The following COX20 variants were observed in gnomAD, a reference collection of about 807,000 sequenced individuals.
COX20 encodes cytochrome c oxidase assembly factor COX20.
COX20 carries 14 observed loss-of-function variants against 14.3 expected under a neutral mutation model. That is an observed-to-expected ratio of 0.98 (90% confidence interval 0.65 to 1.53). COX20 has a LOEUF of 1.53. COX20 is among the 40% of genes most tolerant of loss of function. The pLI is 0.00. For synonymous variants in COX20, 56 were observed against 51.7 expected (o/e 1.08, Z -0.36); for missense variants, 149 against 142.1 (o/e 1.05, Z -0.25).
intron 3 of COX20, chr1:244,842,683 C>CTATTTAA (rs2102976192): frequency 4.4e-6 from 1 of 229,572 alleles, no homozygotes; most frequent in East Asian, 1.1e-4. Flanking sequence ...CTACAGTGAG[C>CTATTTAA]TATTTAAGGT....
Position 244,835,771 on chromosome 1 carries a change from G to A in COX20, c.42+15G>A, listed in dbSNP as rs769756399. 49 of 1,252,536 alleles carry A rather than the reference G, an allele frequency of 3.9e-5. No homozygotes were observed. The highest frequency in any genetic ancestry group is 4.5e-5 in the Non-Finnish European group (45 of 997,162). The allele number at this position is 1,252,536 out of a possible 1,614,324, so 77.6% of individuals were successfully genotyped here. A position where few individuals can be genotyped will look rare whatever the true frequency, so the allele number is the denominator to read the frequency against. ...AGGAGAGGAAGGTAACCTGGGGGTC[G>A]GCGGGGCGCGCGCCGCGGGTGGGCG... On this transcript the variant is annotated intron_variant, in intron 1 of 3. Transcript: ENST00000411948.
chr1:244,836,541 C>T lies in COX20; in HGVS notation c.42+785C>T, dbSNP rs1344314151. The T allele has an allele frequency of 5.8e-6, 9 of 1,545,966 alleles. No individual in the cohort carries two copies. In the East Asian group the frequency reaches 7.3e-5, roughly 13 times the overall value. On this transcript the variant is annotated intron_variant, in intron 1 of 3. Transcript: ENST00000411948. ...GGAAGGTAATAAATGATCTTGTTTT[C>T]CTCTTTTCCTGGGCTCCTTATTAAG...
chr1:244,837,282 A>G (rs1424020677), intron 1 of COX20, among the ~76,000 whole-genome samples: 6 of 152,238 alleles, frequency 3.9e-5, no homozygotes, highest in Non-Finnish European at 4.4e-5. Flanking sequence ...AGTACCTATC[A>G]GAGCCCATCA....
intron 1 of COX20, among the ~76,000 whole-genome samples, chr1:244,836,326 T>G (rs1679982993): frequency 6.6e-6 from 1 of 152,146 alleles, no homozygotes; most frequent in Admixed American, 6.5e-5. Context: ...ACTGGACAGT[T>G]TTCATTCCTC....
intron 1 of COX20, 31 bp from the exon 2 acceptor site, chr1:244,841,913 A>T: frequency 7.5e-7 from 1 of 1,331,056 alleles, no homozygotes; most frequent in Non-Finnish European, 1.1e-6. Context: ...ATACTTTCTT[A>T]CTCAATCTAG....
At chr1:244,840,382 C>T (rs1280564175) in intron 1 of COX20, 2 of 152,268 alleles carry the variant, frequency 1.3e-5, no homozygotes, top group Admixed American at 6.5e-5. Context: ...GCATCCCATC[C>T]TTGGGGAAAT....
chr1:244,835,500 G>A (rs928227239), upstream of COX20: 4 of 388,254 alleles, frequency 1.0e-5, no homozygotes, highest in Non-Finnish European at 1.8e-5. Flanking sequence ...TTGGAAGAAA[G>A]TGTGACCCGT....
Position 244,844,655 on chromosome 1 carries a change from G to A in COX20, c.*1479G>A, listed in dbSNP as rs942530528. The A allele has an allele frequency of 1.3e-5, 2 of 152,270 alleles. No homozygotes were observed. The allele number at this position is 152,270 out of a possible 1,614,324, so 9.4% of individuals were successfully genotyped here. A position where few individuals can be genotyped will look rare whatever the true frequency, so the allele number is the denominator to read the frequency against. On this transcript the variant is annotated 3_prime_UTR_variant, in exon 4 of 4. Transcript: ENST00000411948. Reference sequence around the variant, plus strand: ...TGCCTGTAGTCCCAGGTACTCAGGAGGCTGAGGCAGGAGAATCACTTGAAC... The same window carrying A: ...TGCCTGTAGTCCCAGGTACTCAGGAAGCTGAGGCAGGAGAATCACTTGAAC...
chr1:244,838,542 G>A (rs1205074774), intron 1 of COX20, among the ~76,000 whole-genome samples: 1 of 152,208 alleles, frequency 6.6e-6, no homozygotes, highest in Non-Finnish European at 1.5e-5. Context: ...CCAAGTAAAA[G>A]TAAAAAAGTT....
At chr1:244,836,691 T>C (rs749733898) in intron 1 of COX20, among the ~76,000 whole-genome samples, 2 of 152,172 alleles carry the variant, frequency 1.3e-5, no homozygotes, top group African/African-American at 2.4e-5. Context: ...CAAATATTTA[T>C]AGAAGACCCA....
chr1:244,835,801 G>A (rs893437137), intron 1 of COX20, 45 bp downstream of exon 1: 8 of 1,232,626 alleles, frequency 6.5e-6, no homozygotes, highest in South Asian at 7.0e-5. Flanking sequence ...TGGGCGGTGG[G>A]TAAGGACGTT....
upstream of COX20, chr1:244,835,549 G>C: frequency 2.3e-6 from 1 of 427,566 alleles, no homozygotes; most frequent in Non-Finnish European, 3.9e-6. Flanking sequence ...GCCCCGTGCG[G>C]CCACTGCGGA....
At chr1:244,838,261 A>G (rs1283996746) in intron 1 of COX20, among the ~76,000 whole-genome samples, 2 of 152,208 alleles carry the variant, frequency 1.3e-5, no homozygotes, top group East Asian at 3.8e-4. Context: ...AGGTGAAAAT[A>G]TATTTTGCAA....
At chr1:244,842,280 G>A (rs769989817) in intron 3 of COX20, 22 bp downstream of exon 3, 7 of 1,517,034 alleles carry the variant, frequency 4.6e-6, no homozygotes, top group Non-Finnish European at 5.5e-6. Flanking sequence ...AAGTATTCAA[G>A]AACATCCATG....
In COX20 at chr1:244,835,686, A is replaced by C; in HGVS notation, c.-29A>C. 3 of 1,239,302 alleles carry C rather than the reference A, an allele frequency of 2.4e-6. No homozygotes were observed. The highest frequency in any genetic ancestry group is 3.0e-6 in the Non-Finnish European group (3 of 990,484). The allele number at this position is 1,239,302 out of a possible 1,614,324, so 76.8% of individuals were successfully genotyped here. On this transcript the variant is annotated 5_prime_UTR_variant, in exon 1 of 4. Transcript: ENST00000411948. The stretch of plus-strand genomic sequence containing the variant: ...TCTGCTTCCGCGACCCCGGCGGTGC[A>C]GGGCGGGTGGAGTCGCGGAGTAGTC...
rs532000155 is a variant in COX20, at chr1:244,835,693, G to C, written c.-22G>C. 4 of 1,253,124 alleles carry C rather than the reference G, an allele frequency of 3.2e-6. No homozygotes were observed. The highest frequency in any genetic ancestry group is 4.0e-6 in the Non-Finnish European group (4 of 997,242). The allele number at this position is 1,253,124 out of a possible 1,614,324, so 77.6% of individuals were successfully genotyped here. ...CCGCGACCCCGGCGGTGCAGGGCGG[G>C]TGGAGTCGCGGAGTAGTCCTCATGG... On this transcript the variant is annotated 5_prime_UTR_variant, in exon 1 of 4. Transcript: ENST00000411948.
chr1:244,836,365 CCTAT>C (rs1679984270), intron 1 of COX20: 1 of 777,026 alleles, frequency 1.3e-6, no homozygotes, highest in African/African-American at 1.7e-5. Flanking sequence ...AGCAGCCCAT[CCTAT>C]CTCTTTAAGG....
upstream of COX20, chr1:244,835,536 C>T (rs1679935280): frequency 2.5e-6 from 1 of 407,366 alleles, no homozygotes; most frequent in Admixed American, 4.5e-5. Context: ...ACATGACAGC[C>T]CGGCCCCGTG....
chr1:244,835,741 G>C lies in COX20; in HGVS notation c.27G>C (p.Glu9Asp), dbSNP rs978231489. Residue 9 changes from glutamate (E) to aspartate (D), a missense_variant, in exon 1 of 4, where the codon GAG (glutamate) becomes GAC (aspartate). By Grantham distance (45) the Glu-to-Asp change is conservative. Transcript: ENST00000411948. MAAPPEPG[E>D]PEERKSLKLL... The stretch of plus-strand genomic sequence containing the variant: ...TGGCCGCCCCGCCGGAGCCCGGTGA[G>C]CCCGAGGAGAGGAAGGTAACCTGGG... 18 of 1,274,022 alleles carry C rather than the reference G, an allele frequency of 1.4e-5. No homozygotes were observed. The highest frequency in any genetic ancestry group is 1.6e-5 in the Non-Finnish European group (16 of 1,006,228). The allele number at this position is 1,274,022 out of a possible 1,614,324, so 78.9% of individuals were successfully genotyped here. A position where few individuals can be genotyped will look rare whatever the true frequency, so the allele number is the denominator to read the frequency against.
Sources: allele counts gnomAD v4.1 joint callset (sites outside exome capture counted in the v4.1 genomes callset), GRCh38; gene constraint gnomAD v4.1.1; transcripts MANE v1.5; gene names NCBI Gene and HGNC (gene_info 2026-07-23, HGNC 2026-07-21).